Variants in PRICKLE2 observed in about 807,000 individuals in gnomAD.
The protein encoded by PRICKLE2 is prickle planar cell polarity protein 2, also known as prickle-like protein 2.
Under a neutral mutation model 81.4 loss-of-function variants are expected in PRICKLE2, and 21 were observed. The observed-to-expected ratio is 0.26, with a 90% CI of 0.18 to 0.37. PRICKLE2 has a LOEUF of 0.37. PRICKLE2 is among the 10% of genes least tolerant of loss of function. The probability of loss-of-function intolerance (pLI) is 1.00; values close to 1 mark genes in which losing one functional copy is unlikely to be tolerated. For synonymous variants in PRICKLE2, 456 were observed against 421.5 expected (o/e 1.08, Z -1.00); for missense variants, 940 against 1,109.0 (o/e 0.85, Z 2.16).
chr3:64,108,352 G>T (rs1296738628), intron 7 of PRICKLE2, among the ~76,000 whole-genome samples: 1 of 152,166 alleles, frequency 6.6e-6, no homozygotes, highest in Non-Finnish European at 1.5e-5. Context: ...GCTTGATCAG[G>T]TCCCTTGGGA....
intron 2 of PRICKLE2, among the ~76,000 whole-genome samples, chr3:64,168,555 G>A (rs183078817): frequency 1.7e-3 from 255 of 152,240 alleles, no homozygotes; most frequent in African/African-American, 4.8e-3. Flanking sequence ...ACGGCTTGAC[G>A]CGTTTTTATA....
intron 7 of PRICKLE2, among the ~76,000 whole-genome samples, chr3:64,122,673 T>C (rs971975646): frequency 6.6e-6 from 1 of 152,172 alleles, no homozygotes; most frequent in Non-Finnish European, 1.5e-5. Context: ...GAGGATTCTG[T>C]GACCTGCCAA....
intron 2 of PRICKLE2, among the ~76,000 whole-genome samples, chr3:64,266,641 A>G (rs1216079484): frequency 6.6e-6 from 1 of 152,200 alleles, no homozygotes; most frequent in Non-Finnish European, 1.5e-5. Context: ...GATGATTTGA[A>G]AAGGAAAGGC....
chr3:64,130,745 T>C (rs2077185368), intron 7 of PRICKLE2, among the ~76,000 whole-genome samples: 1 of 152,142 alleles, frequency 6.6e-6, no homozygotes, highest in African/African-American at 2.4e-5. Flanking sequence ...TATTGGACAA[T>C]TTTAAAACAG....
At chr3:64,257,001 C>A (rs2079534542) in intron 2 of PRICKLE2, among the ~76,000 whole-genome samples, 1 of 152,084 alleles carries the variant, frequency 6.6e-6, no homozygotes, top group South Asian at 2.1e-4. Flanking sequence ...TTTCCCAATA[C>A]CAGAATTGAC....
Position 64,098,314 on chromosome 3 carries a change from T to C in PRICKLE2, c.*737A>G, listed in dbSNP as rs1341924147. ...TACTACCACTTTGTAGAAAATAAAT[T>C]CTACTGAGGGTGGGAGCAGACTTAA... On this transcript the variant is annotated 3_prime_UTR_variant, in exon 8 of 8. Transcript: ENST00000638394. 3 of 152,462 alleles carry C rather than the reference T, an allele frequency of 2.0e-5. No individual in the cohort carries two copies. Among genetic ancestry groups the C allele is most frequent in the Non-Finnish European group, 4.4e-5 (3 of 68,016 alleles). 9.4% of individuals were successfully genotyped at this position (152,462 alleles called of 1,614,324 possible).
chr3:64,204,730 A>C (rs949661686), intron 1 of PRICKLE2, among the ~76,000 whole-genome samples: 13 of 152,166 alleles, frequency 8.5e-5, no homozygotes, highest in Non-Finnish European at 1.6e-4. Context: ...CTCATTTATA[A>C]TTAACTGGCA....
intron 7 of PRICKLE2, among the ~76,000 whole-genome samples, chr3:64,143,524 C>A (rs2077396666): frequency 6.6e-6 from 1 of 152,202 alleles, no homozygotes; most frequent in South Asian, 2.1e-4. Flanking sequence ...CCCTTTCCAG[C>A]ATTCCTCAAC....
chr3:64,193,708 A>G (rs2078392352), intron 2 of PRICKLE2, among the ~76,000 whole-genome samples: 1 of 152,162 alleles, frequency 6.6e-6, no homozygotes, highest in African/African-American at 2.4e-5. Flanking sequence ...GAGGTAATTG[A>G]ATCATTGGGG....
intron 2 of PRICKLE2, among the ~76,000 whole-genome samples, chr3:64,178,995 CTTTCTTTCTTT>C (rs2078074885): frequency 6.8e-6 from 1 of 147,010 alleles, no homozygotes; most frequent in African/African-American, 2.6e-5. Flanking sequence ...TTCTTTCTTT[CTTTCTTTCTTT>C]CTTTCTTTCT....
At position 64,147,690 on chromosome 3, in the gene PRICKLE2, C is replaced by T; in HGVS notation, c.800G>A (p.Gly267Asp). 6.2e-7 allele frequency: 1 copy of T among 1,613,718 alleles called. No homozygotes were observed. Among genetic ancestry groups the T allele is most frequent in the Non-Finnish European group, 8.5e-7 (1 of 1,180,032 alleles). ...GTGTTGGCCATCATAGGTCATTTGACCTTGGTCGATACCTAAAAAAATGAG... is the reference window on the plus strand; with the variant it reads ...GTGTTGGCCATCATAGGTCATTTGATCTTGGTCGATACCTAAAAAAATGAG... ...TCAQHIGIDQ[G>D]QMTYDGQHWH... Residue 267 changes from glycine to aspartate, a missense_variant, in exon 7 of 8, where the codon GGT becomes GAT. Around this residue, in one of 2 missense-constraint regions of PRICKLE2, gnomAD observed 270 missense variants for 391.8 expected, o/e 0.69. Transcript: ENST00000638394. This position sits in a 1 kb window ranked among gnomAD's most constrained non-coding sequence, Gnocchi z 5.0.
rs79097938 is a variant in PRICKLE2 at position 64,100,332 on chromosome 3, T to G, written c.1661-407A>C. 1,597 of 185,650 alleles carry G rather than the reference T, an allele frequency of 8.6e-3. 29 individuals carry two copies. Among genetic ancestry groups the G allele is most frequent in the African/African-American group, 0.034 (1,459 of 42,794 alleles). The allele number at this position is 185,650 out of a possible 1,614,324, so 11.5% of individuals were successfully genotyped here. On this transcript the variant is annotated intron_variant, in intron 7 of 7. Transcript: ENST00000638394. ...ACAGATATTTTGGATGAGCAAACTT[T>G]AAGCTCTAGAGGCTGGATCATGCCC...
At chr3:64,223,155 T>A (rs926157353) in intron 1 of PRICKLE2, among the ~76,000 whole-genome samples, 2 of 152,184 alleles carry the variant, frequency 1.3e-5, no homozygotes, top group Admixed American at 6.5e-5. Flanking sequence ...TTCAATACTG[T>A]TTTTTAGCAA....
At chr3:64,166,829 C>T (rs891651691) in intron 2 of PRICKLE2, among the ~76,000 whole-genome samples, 7 of 152,196 alleles carry the variant, frequency 4.6e-5, no homozygotes, top group Non-Finnish European at 8.8e-5. Context: ...CAATCCTCTT[C>T]GAAGTCCATT....
At chr3:64,117,728 C>T (rs184328105) in intron 7 of PRICKLE2, among the ~76,000 whole-genome samples, 49 of 152,224 alleles carry the variant, frequency 3.2e-4, no homozygotes, top group Admixed American at 1.2e-3. Context: ...AAACACATTC[C>T]ATGCTCATTG....
Position 64,149,969 on chromosome 3 carries a change from C to CTTTTTT in PRICKLE2, c.788-2273_788-2268dup, listed in dbSNP as rs34841544. 3.0e-4 allele frequency among the ~76,000 whole-genome samples: 33 copies of CTTTTTT among 109,716 alleles called. 1 individual carries two copies. Among genetic ancestry groups the CTTTTTT allele is most frequent in the Admixed American group, 5.2e-4 (5 of 9,630 alleles). The allele number at this position is 109,716 out of a possible 152,430, so 72.0% of individuals were successfully genotyped here. A position where few individuals can be genotyped will look rare whatever the true frequency, so the allele number is the denominator to read the frequency against. ...TGTGAATCAACTGAATCAACTCCATCTTTTTTTTTTTTTTTTTTTTTGAGA... is the reference window on the plus strand; with the variant it reads ...TGTGAATCAACTGAATCAACTCCATCTTTTTTTTTTTTTTTTTTTTTTTTTTTGAGA... On this transcript the variant is annotated intron_variant, in intron 6 of 7. Transcript: ENST00000638394.
chr3:64,145,033 A>ATT (rs77446098), intron 7 of PRICKLE2, among the ~76,000 whole-genome samples: 18,081 of 151,410 alleles, frequency 0.12, 1,208 homozygotes, highest in East Asian at 0.29. Flanking sequence ...ACGTTACTCT[A>ATT]TTTTTTCCCA....
At chr3:64,213,080 T>C in intron 1 of PRICKLE2, among the ~76,000 whole-genome samples, 1 of 147,338 alleles carries the variant, frequency 6.8e-6, no homozygotes, top group African/African-American at 2.6e-5. Context: ...TTTTGTTCTT[T>C]TTTTTTTTTT....
intron 7 of PRICKLE2, among the ~76,000 whole-genome samples, chr3:64,113,307 C>T (rs1163321785): frequency 1.3e-5 from 2 of 152,182 alleles, no homozygotes; most frequent in African/African-American, 4.8e-5. Flanking sequence ...ACTGTTGGAC[C>T]TGATCGCTGA....
Sources: allele counts gnomAD v4.1 joint callset (sites outside exome capture counted in the v4.1 genomes callset), GRCh38; gene constraint gnomAD v4.1.1; regional missense constraint gnomAD v4.1.1; non-coding constraint Gnocchi (gnomAD v3.1); transcripts MANE v1.5; gene names NCBI Gene and HGNC (gene_info 2026-07-23, HGNC 2026-07-21).